The following AKAP19 variants were observed in gnomAD, a reference collection of about 807,000 sequenced individuals.
AKAP19 encodes small A-kinase anchoring protein.
chr2:190,179,431 A>G, the AKAP19 span, among the ~76,000 whole-genome samples: 2 of 152,048 alleles, frequency 1.3e-5, no homozygotes, highest in South Asian at 2.1e-4. The surrounding 1 kb of genome is among the most constrained non-coding windows in gnomAD (Gnocchi z 6.0). Flanking sequence ...AAAAAATGAT[A>G]CTTATCAGAA....
At chr2:190,127,767 C>A in the AKAP19 span, among the ~76,000 whole-genome samples, 1 of 151,958 alleles carries the variant, frequency 6.6e-6, no homozygotes, top group Admixed American at 6.6e-5. Flanking sequence ...TTATTTCTCC[C>A]TTCTCTGGCC....
the AKAP19 span, among the ~76,000 whole-genome samples, chr2:190,084,275 T>TACA: frequency 2.0e-4 from 30 of 152,148 alleles, 1 homozygote; most frequent in African/African-American, 6.7e-4. Flanking sequence ...GTACTTTTAG[T>TACA]AGAGACAGGG....
At chr2:190,181,029 G>A in the AKAP19 span, 7 of 985,566 alleles carry the variant, frequency 7.1e-6, no homozygotes, top group Non-Finnish European at 8.4e-6. Flanking sequence ...GACCCGCCCC[G>A]GGCCTGAGCG....
chr2:189,902,689 A>G, the AKAP19 span, among the ~76,000 whole-genome samples: 1 of 152,050 alleles, frequency 6.6e-6, no homozygotes, highest in Non-Finnish European at 1.5e-5. Flanking sequence ...GGTCTCAGAA[A>G]TTATTCCTTT....
the AKAP19 span, among the ~76,000 whole-genome samples, chr2:189,937,397 T>C: frequency 2.0e-5 from 3 of 151,904 alleles, no homozygotes; most frequent in African/African-American, 7.3e-5. Context: ...GATTTTATGT[T>C]CCAAAATGGT....
chr2:190,117,298 C>T, the AKAP19 span, among the ~76,000 whole-genome samples: 1 of 152,106 alleles, frequency 6.6e-6, no homozygotes, highest in Non-Finnish European at 1.5e-5. Flanking sequence ...CTGCAAATTT[C>T]CTAGGCTACA....
the AKAP19 span, among the ~76,000 whole-genome samples, chr2:190,145,334 T>C: frequency 6.6e-6 from 1 of 152,246 alleles, no homozygotes; most frequent in African/African-American, 2.4e-5. Flanking sequence ...CATAGTTTTC[T>C]ATTGTATAGA....
the AKAP19 span, among the ~76,000 whole-genome samples, chr2:190,132,165 A>G: frequency 6.6e-6 from 1 of 152,236 alleles, no homozygotes; most frequent in Admixed American, 6.5e-5. Flanking sequence ...AGACACAGAA[A>G]GATATCTTGT....
chr2:190,177,349 T>C, the AKAP19 span, among the ~76,000 whole-genome samples: 3 of 152,190 alleles, frequency 2.0e-5, no homozygotes, highest in African/African-American at 4.8e-5. The surrounding 1 kb of genome is among the most constrained non-coding windows in gnomAD (Gnocchi z 4.6). Flanking sequence ...CTAGCCTCCA[T>C]GTGAATGAAC....
At chr2:190,157,931 G>A in the AKAP19 span, among the ~76,000 whole-genome samples, 1 of 152,212 alleles carries the variant, frequency 6.6e-6, no homozygotes, top group African/African-American at 2.4e-5. Context: ...TGAAATCAAA[G>A]ACAGGCAGCC....
At chr2:190,067,778 T>C in the AKAP19 span, among the ~76,000 whole-genome samples, 1 of 152,178 alleles carries the variant, frequency 6.6e-6, no homozygotes, top group Admixed American at 6.5e-5. Flanking sequence ...CAGGAAAACT[T>C]CAAAATGCAA....
At chr2:189,907,170 T>C in the AKAP19 span, among the ~76,000 whole-genome samples, 36 of 152,272 alleles carry the variant, frequency 2.4e-4, no homozygotes, top group African/African-American at 8.7e-4. Flanking sequence ...TCCAGTGACT[T>C]TGTCACAGTG....
chr2:190,186,896 G>A, the AKAP19 span, among the ~76,000 whole-genome samples: 1 of 152,034 alleles, frequency 6.6e-6, no homozygotes, highest in African/African-American at 2.4e-5. This position sits in a 1 kb window ranked among gnomAD's most constrained non-coding sequence, Gnocchi z 5.5. Context: ...CTGGAGTGCA[G>A]TGGCGTGACC....
the AKAP19 span, chr2:190,200,006 A>T: frequency 2.5e-6 from 4 of 1,614,000 alleles, no homozygotes; most frequent in South Asian, 4.4e-5. Flanking sequence ...GAGGAAGTGA[A>T]GGAACCTCCA....
the AKAP19 span, among the ~76,000 whole-genome samples, chr2:189,985,324 G>A: frequency 1.3e-5 from 2 of 152,066 alleles, no homozygotes; most frequent in Admixed American, 6.5e-5. Flanking sequence ...TTCCTTAGTA[G>A]CCATCATTTT....
the AKAP19 span, among the ~76,000 whole-genome samples, chr2:190,144,025 G>A: frequency 1.1e-5 from 1 of 94,690 alleles, no homozygotes; most frequent in East Asian, 3.1e-4. Flanking sequence ...CTGTGGTGGG[G>A]TGGGGGGAGG....
At chr2:189,940,831 C>T in the AKAP19 span, among the ~76,000 whole-genome samples, 1 of 151,954 alleles carries the variant, frequency 6.6e-6, no homozygotes, top group Non-Finnish European at 1.5e-5. Context: ...GCGGAGCTTG[C>T]AGTGAGCCGA....
chr2:190,088,693 C>A, the AKAP19 span, among the ~76,000 whole-genome samples: 6 of 152,220 alleles, frequency 3.9e-5, no homozygotes, highest in Middle Eastern at 0.01. Context: ...TTAACTAGAT[C>A]AAGTGAATAT....
chr2:190,051,957 C>G, the AKAP19 span, among the ~76,000 whole-genome samples: 6 of 151,980 alleles, frequency 3.9e-5, no homozygotes, highest in Non-Finnish European at 5.9e-5. Context: ...CCTGCCTCAG[C>G]CTCCTCAGTA....
Sources: allele counts gnomAD v4.1 joint callset (sites outside exome capture counted in the v4.1 genomes callset), GRCh38; gene constraint gnomAD v4.1.1; non-coding constraint Gnocchi (gnomAD v3.1); transcripts MANE v1.5; gene names NCBI Gene and HGNC (gene_info 2026-07-23, HGNC 2026-07-21).